Variants in ZNRF1 observed in about 807,000 individuals in gnomAD.
ZNRF1 encodes the protein E3 ubiquitin-protein ligase ZNRF1.
Under a neutral mutation model 18.4 loss-of-function variants are expected in ZNRF1, and 3 were observed. That is an observed-to-expected ratio of 0.16 (90% CI 0.07 to 0.42). ZNRF1 has a LOEUF of 0.42. Among genes scored for constraint, ZNRF1 ranks in the 10% least tolerant of loss-of-function variants. ZNRF1 has a pLI of 0.99. For synonymous variants in ZNRF1, 157 were observed against 144.2 expected (o/e 1.09, Z -0.64); for missense variants, 310 against 329.8 (o/e 0.94, Z 0.47).
chr16:75,032,116 T>TG (rs1017137411), intron 1 of ZNRF1, among the ~76,000 whole-genome samples: 9 of 148,112 alleles, frequency 6.1e-5, no homozygotes, highest in Non-Finnish European at 1.2e-4. Context: ...TTTTTTTTTT[T>TG]TTTTTTTTTT....
At position 75,047,253 on chromosome 16, in the gene ZNRF1, A is replaced by G. The variant is rs115302771; in HGVS notation, c.425-46319A>G. ...AGCGGCATGATCACAGTTCACTGTA[A>G]TCTTGAACTCCTGGGCTCAAGCAGT... On this transcript the variant is annotated intron_variant, in intron 1 of 4. Coordinates refer to ENST00000335325, the MANE Select transcript of ZNRF1 (RefSeq NM_032268.5). 8.0e-3 allele frequency among the ~76,000 whole-genome samples: 1,225 copies of G among 152,238 alleles called. 11 individuals are homozygous for G. The highest frequency in any genetic ancestry group is 0.029 in the African/African-American group (1,188 of 41,530).
intron 1 of ZNRF1, among the ~76,000 whole-genome samples, chr16:75,034,452 G>A (rs1349646828): frequency 6.6e-6 from 1 of 152,106 alleles, no homozygotes; most frequent in African/African-American, 2.4e-5. Context: ...ATCCATGTTG[G>A]AGCAAATGTC....
At chr16:75,000,863 G>T (rs2034839783) in intron 1 of ZNRF1, among the ~76,000 whole-genome samples, 1 of 152,194 alleles carries the variant, frequency 6.6e-6, no homozygotes, top group Admixed American at 6.6e-5. Flanking sequence ...GCCTGTCACG[G>T]TGGGGCATTA....
At chr16:75,034,707 G>A (rs1215374392) in intron 1 of ZNRF1, among the ~76,000 whole-genome samples, 2 of 152,142 alleles carry the variant, frequency 1.3e-5, no homozygotes, top group Non-Finnish European at 2.9e-5. Flanking sequence ...GCTCACTGCA[G>A]CCTCTGCCCC....
intron 1 of ZNRF1, among the ~76,000 whole-genome samples, chr16:75,010,105 C>G (rs1456868814): frequency 6.6e-6 from 1 of 152,098 alleles, no homozygotes; most frequent in East Asian, 1.9e-4. Context: ...GCCTCAGCCT[C>G]CAGAGTAGCT....
Position 75,011,076 on chromosome 16 carries a change from G to A in ZNRF1, c.424+10981G>A, listed in dbSNP as rs77530136. Among the ~76,000 whole-genome samples the A allele has an allele frequency of 6.6e-5, 10 of 152,274 alleles. No individual in the cohort carries two copies. The East Asian group carries it at 7.7e-4, about 12-fold the overall frequency. Reference sequence around the variant, plus strand: ...CCTAAGATCACAGGCCTCATCTGACGTGGTCATTTTGCACATACTTCTTAG... The same window carrying A: ...CCTAAGATCACAGGCCTCATCTGACATGGTCATTTTGCACATACTTCTTAG... On this transcript the variant is annotated intron_variant, in intron 1 of 4. Transcript: ENST00000335325.
chr16:75,096,858 C>A (rs2036205916), intron 2 of ZNRF1, among the ~76,000 whole-genome samples: 1 of 152,124 alleles, frequency 6.6e-6, no homozygotes, highest in African/African-American at 2.4e-5. Context: ...TTAGAAAAAA[C>A]ACAACTTAGG....
intron 1 of ZNRF1, among the ~76,000 whole-genome samples, chr16:75,019,713 G>C (rs2035119349): frequency 6.6e-6 from 1 of 151,608 alleles, no homozygotes; most frequent in Non-Finnish European, 1.5e-5. Context: ...TTTTTGTTTT[G>C]TTCTGTTTTG....
intron 1 of ZNRF1, among the ~76,000 whole-genome samples, chr16:75,040,192 G>A (rs1225069977): frequency 1.3e-5 from 2 of 151,656 alleles, no homozygotes; most frequent in Non-Finnish European, 2.9e-5. Flanking sequence ...CTGCAGGCGC[G>A]CACCACCACG....
chr16:75,066,421 T>G (rs971121288), intron 1 of ZNRF1, among the ~76,000 whole-genome samples: 1 of 152,246 alleles, frequency 6.6e-6, no homozygotes, highest in Non-Finnish European at 1.5e-5. Flanking sequence ...ATTTTATGTT[T>G]AACATTCTCA....
intron 2 of ZNRF1, among the ~76,000 whole-genome samples, chr16:75,098,885 T>C (rs978459708): frequency 6.6e-6 from 1 of 152,074 alleles, no homozygotes; most frequent in African/African-American, 2.4e-5. Flanking sequence ...TCCATACTTC[T>C]AGCAGTTCCA....
At chr16:75,087,291 C>A (rs1194264663) in intron 1 of ZNRF1, among the ~76,000 whole-genome samples, 6 of 152,188 alleles carry the variant, frequency 3.9e-5, no homozygotes, top group Admixed American at 3.9e-4. Flanking sequence ...TAACAGTGGG[C>A]TTACCCTGAT....
chr16:75,056,968 T>C (rs1452344344), intron 1 of ZNRF1, among the ~76,000 whole-genome samples: 4 of 152,186 alleles, frequency 2.6e-5, no homozygotes, highest in African/African-American at 9.7e-5. Context: ...ACTAGATTCC[T>C]CTCCTGATGC....
intron 2 of ZNRF1, chr16:75,095,478 C>T: frequency 9.1e-7 from 1 of 1,101,680 alleles, no homozygotes; most frequent in Non-Finnish European, 1.2e-6. Context: ...ACAGCCCTCC[C>T]TAGCCATGGC....
Position 75,100,566 on chromosome 16 carries a change from A to T in ZNRF1, c.521-4218A>T, listed in dbSNP as rs188285668. Among the ~76,000 whole-genome samples the T allele has an allele frequency of 3.0e-4, 46 of 152,322 alleles. 1 individual carries two copies. The highest frequency in any genetic ancestry group is 9.9e-4 in the African/African-American group (41 of 41,566). On this transcript the variant is annotated intron_variant, in intron 2 of 4. Coordinates refer to ENST00000335325, the MANE Select transcript of ZNRF1 (RefSeq NM_032268.5). ...CCTCCTGGAGCTGACACAGATGGGG[A>T]GAGAACACACCTGGTGTGGGAAGCT...
At chr16:75,074,711 G>T (rs1878091642) in intron 1 of ZNRF1, among the ~76,000 whole-genome samples, 1 of 152,088 alleles carries the variant, frequency 6.6e-6, no homozygotes, top group African/African-American at 2.4e-5. Flanking sequence ...TTGAAGCTGG[G>T]TGATGAGTAC....
chr16:75,005,730 GTAAC>G (rs2145316582), intron 1 of ZNRF1, among the ~76,000 whole-genome samples: 1 of 152,248 alleles, frequency 6.6e-6, no homozygotes, highest in East Asian at 1.9e-4. Flanking sequence ...CTCGACAGCA[GTAAC>G]TAATAATAGA....
intron 1 of ZNRF1, among the ~76,000 whole-genome samples, chr16:75,031,710 C>T (rs901109198): frequency 6.6e-6 from 1 of 151,978 alleles, no homozygotes; most frequent in African/African-American, 2.4e-5. Context: ...GCATGTTGCC[C>T]AGGCTGTTCT....
intron 1 of ZNRF1, among the ~76,000 whole-genome samples, chr16:75,012,404 T>C (rs2035010654): frequency 6.6e-6 from 1 of 152,136 alleles, no homozygotes; most frequent in Non-Finnish European, 1.5e-5. Context: ...AATCTAGAGG[T>C]CATGGGGAAT....
Sources: gnomAD v4.1 joint callset for allele counts (sites outside exome capture counted in the v4.1 genomes callset) on GRCh38, gnomAD v4.1.1 for gene constraint, MANE v1.5 for transcripts, NCBI Gene and HGNC (gene_info 2026-07-23, HGNC 2026-07-21) for gene names.